Variants in MAN1A2 observed in about 807,000 individuals in gnomAD.
The protein encoded by MAN1A2 is mannosidase alpha class 1A member 2, also known as mannosyl-oligosaccharide 1,2-alpha-mannosidase IB.
A neutral mutation model predicts 75.7 loss-of-function variants in MAN1A2; 26 were observed. The ratio of observed to expected loss-of-function variants is 0.34; its 90% confidence interval spans 0.25 to 0.48. The LOEUF is 0.48. MAN1A2 is among the 20% of genes least tolerant of loss of function. MAN1A2 has a pLI of 0.99. For missense variants in MAN1A2, 562 were observed against 775.5 expected (o/e 0.72, Z 3.27); for synonymous variants, 247 against 264.6 (o/e 0.93, Z 0.65).
chr1:117,461,651 T>C (rs1400117181), intron 7 of MAN1A2, among the ~76,000 whole-genome samples: 1 of 152,128 alleles, frequency 6.6e-6, no homozygotes, highest in East Asian at 1.9e-4. Flanking sequence ...TATCAAAATA[T>C]GTATAACTCT....
chr1:117,421,463 G>T (rs901720645), intron 5 of MAN1A2, among the ~76,000 whole-genome samples: 5 of 151,030 alleles, frequency 3.3e-5, no homozygotes, highest in Admixed American at 1.3e-4. Context: ...CAGTGTTTTG[G>T]CTTCTAGATT....
In MAN1A2 at chr1:117,485,378, G is replaced by C. The variant is rs144606042; in HGVS notation, c.1169-7769G>C. 2.2e-3 allele frequency among the ~76,000 whole-genome samples: 333 copies of C among 152,056 alleles called. 2 individuals carry two copies. Among genetic ancestry groups the C allele is most frequent in the Non-Finnish European group, 4.0e-3 (271 of 67,926 alleles). ...ACCACTGTGGCCATTCATCTTTCTTGAGACCATAATGAAATGAAAGTAGAT... is the reference window on the plus strand; with the variant it reads ...ACCACTGTGGCCATTCATCTTTCTTCAGACCATAATGAAATGAAAGTAGAT... On this transcript the variant is annotated intron_variant, in intron 8 of 12. Coordinates refer to ENST00000356554, the MANE Select transcript of MAN1A2 (RefSeq NM_006699.5).
chr1:117,478,784 A>C (rs995774741), intron 8 of MAN1A2, among the ~76,000 whole-genome samples: 2 of 152,008 alleles, frequency 1.3e-5, no homozygotes, highest in Non-Finnish European at 2.9e-5. Flanking sequence ...CAATCAACAC[A>C]GTGTGTACCA....
intron 10 of MAN1A2, 121 bp downstream of exon 10, chr1:117,497,103 G>A: frequency 1.6e-6 from 1 of 627,518 alleles, no homozygotes; most frequent in Non-Finnish European, 2.6e-6. Flanking sequence ...ACACCAACAA[G>A]GCAAATCATT....
Position 117,414,790 on chromosome 1 carries a change from G to A in MAN1A2, c.733G>A (p.Asp245Asn). The change falls in exon 4 of 13, where the codon GAT becomes AAT. Residue 245 changes from aspartate (D) to asparagine (N), a missense_variant. Physicochemically the swap from Asp to Asn is conservative, Grantham distance 23. This residue lies in a region of MAN1A2 where 434 missense variants were observed against 645.7 expected (regional missense o/e 0.67). Transcript: ENST00000356554. ...CATGGGACTTCATGATGAATTCCTA[G>A]ATGGGCAAAGATGGATTGAAGACAA... ...YIMGLHDEFL[D>N]GQRWIEDNLD... The A allele has an allele frequency of 6.2e-7, 1 of 1,609,286 alleles. No individual in the cohort carries two copies. Among genetic ancestry groups the A allele is most frequent in the Non-Finnish European group, 8.5e-7 (1 of 1,176,274 alleles).
chr1:117,474,781 A>G (rs72691725), intron 8 of MAN1A2, among the ~76,000 whole-genome samples: 11,601 of 151,932 alleles, frequency 0.076, 498 homozygotes, highest in Middle Eastern at 0.15. Flanking sequence ...GGAAATCATG[A>G]TCACAATCAA....
At chr1:117,415,249 A>G (rs962983880) in intron 4 of MAN1A2, among the ~76,000 whole-genome samples, 4 of 152,062 alleles carry the variant, frequency 2.6e-5, no homozygotes, top group East Asian at 1.9e-4. Context: ...CCATTATAGT[A>G]TTGTGAGGAT....
rs1396209451 is a variant in MAN1A2 at position 117,523,793 on chromosome 1, T to TA, written c.*838dup. Reference sequence around the variant, plus strand: ...TGCCGCAGTTTGTTGCCTTGAAACCTAAGAGCAATCCTTGGTTTTGTTGCT... The same window carrying TA: ...TGCCGCAGTTTGTTGCCTTGAAACCTAAAGAGCAATCCTTGGTTTTGTTGCT... On this transcript the variant is annotated 3_prime_UTR_variant, in exon 13 of 13. Coordinates refer to ENST00000356554, the MANE Select transcript of MAN1A2 (RefSeq NM_006699.5). 2.0e-5 allele frequency: 3 copies of TA among 151,912 alleles called. No individual in the cohort carries two copies. The Admixed American group carries it at 2.0e-4, about 10-fold the overall frequency. 9.4% of individuals were successfully genotyped at this position (151,912 alleles called of 1,614,324 possible).
At position 117,460,555 on chromosome 1, in the gene MAN1A2, A is replaced by G; in HGVS notation, c.1017A>G (p.Leu339=). The G allele has an allele frequency of 1.9e-6, 3 of 1,611,758 alleles. No homozygotes were observed. Among genetic ancestry groups the G allele is most frequent in the South Asian group, 1.1e-5 (1 of 90,734 alleles). The change falls in exon 7 of 13, where the codon CTA becomes CTG. Residue 339 remains leucine, a synonymous_variant. Coordinates refer to ENST00000356554, the MANE Select transcript of MAN1A2 (RefSeq NM_006699.5). The part of the protein sequence containing the change: ...GSSILAEFGT[L]HMEFIHLSYL... ...GCATTCTGGCTGAATTTGGTACACT[A>G]CATATGGAGTTCATCCACCTCAGCT...
Position 117,525,011 on chromosome 1 carries a change from G to A in MAN1A2, c.*2054G>A. 2.2e-6 allele frequency: 1 copy of A among 458,118 alleles called. No individual in the cohort carries two copies. 28.4% of individuals were successfully genotyped at this position (458,118 alleles called of 1,614,324 possible). A position where few individuals can be genotyped will look rare whatever the true frequency, so the allele number is the denominator to read the frequency against. Reference sequence around the variant, plus strand: ...GGCAAAGATGCAGAGCAGCAGTGCAGATGGCAATGAACTCTCTGAATTCTC... The same window carrying A: ...GGCAAAGATGCAGAGCAGCAGTGCAAATGGCAATGAACTCTCTGAATTCTC... On this transcript the variant is annotated 3_prime_UTR_variant, in exon 13 of 13. Transcript: ENST00000356554.
chr1:117,368,094 T>G lies in MAN1A2; in HGVS notation c.-90T>G. ...GAGGAGCAAAATTGAGTTTTCCCAT[T>G]TTGGCCAAGATTTTGAAGACAGTTC... is the stretch of plus-strand genomic sequence containing the variant. On this transcript the variant is annotated 5_prime_UTR_variant, in exon 1 of 13. In the 5' UTR this introduces an upstream ATG that the reference lacks. Transcript: ENST00000356554. 7.5e-7 allele frequency: 1 copy of G among 1,334,992 alleles called. No homozygotes were observed. Among genetic ancestry groups the G allele is most frequent in the Non-Finnish European group, 1.0e-6 (1 of 983,018 alleles). 82.7% of individuals were successfully genotyped at this position (1,334,992 alleles called of 1,614,324 possible).
chr1:117,391,784 C>T (rs774000958), intron 1 of MAN1A2, among the ~76,000 whole-genome samples: 36 of 152,194 alleles, frequency 2.4e-4, no homozygotes, highest in Non-Finnish European at 4.3e-4. Flanking sequence ...ATCTCTTTCT[C>T]ACTCCTTCCC....
chr1:117,442,392 A>G (rs1167917419), intron 6 of MAN1A2, 67 bp downstream of exon 6: 13 of 996,080 alleles, frequency 1.3e-5, no homozygotes, highest in Admixed American at 3.5e-5. Context: ...AGAAATTTCT[A>G]ATGAGTCACC....
At chr1:117,502,307 T>C (rs1443583782) in intron 11 of MAN1A2, among the ~76,000 whole-genome samples, 1 of 151,746 alleles carries the variant, frequency 6.6e-6, no homozygotes, top group Non-Finnish European at 1.5e-5. Context: ...GTGGGCTCTT[T>C]CTGCCAGTTG....
intron 6 of MAN1A2, 107 bp from the exon 7 acceptor site, chr1:117,460,382 G>A: frequency 1.5e-6 from 1 of 660,866 alleles, no homozygotes; most frequent in Non-Finnish European, 2.5e-6. Flanking sequence ...TATCGTGTCA[G>A]ATATAATAAT....
intron 1 of MAN1A2, among the ~76,000 whole-genome samples, chr1:117,400,076 G>A (rs1428324334): frequency 6.6e-6 from 1 of 152,038 alleles, no homozygotes; most frequent in Non-Finnish European, 1.5e-5. Flanking sequence ...ATGTGCTGAT[G>A]ATGCCCTTGT....
At chr1:117,517,855 C>T (rs963074633) in intron 12 of MAN1A2, among the ~76,000 whole-genome samples, 1 of 151,780 alleles carries the variant, frequency 6.6e-6, no homozygotes, top group Non-Finnish European at 1.5e-5. Flanking sequence ...ACCAAGACAC[C>T]TTATAATCAG....
At chr1:117,410,461 A>T (rs1647769313) in intron 3 of MAN1A2, among the ~76,000 whole-genome samples, 1 of 151,886 alleles carries the variant, frequency 6.6e-6, no homozygotes, top group Non-Finnish European at 1.5e-5. Flanking sequence ...CAAAACAACA[A>T]CAATAAGCAA....
intron 8 of MAN1A2, 92 bp from the exon 9 acceptor site, chr1:117,493,055 C>G: frequency 1.4e-6 from 1 of 704,920 alleles, no homozygotes; most frequent in East Asian, 2.7e-5. Flanking sequence ...TTATTGACCT[C>G]TAACATAGTC....
Sources: allele counts gnomAD v4.1 joint callset (sites outside exome capture counted in the v4.1 genomes callset), GRCh38; gene constraint gnomAD v4.1.1; regional missense constraint gnomAD v4.1.1; transcripts MANE v1.5; gene names NCBI Gene and HGNC (gene_info 2026-07-23, HGNC 2026-07-21).